Variants in PLXDC2 observed in about 807,000 individuals in gnomAD.
PLXDC2 encodes plexin domain containing 2.
In PLXDC2, 40 loss-of-function variants were observed where a neutral mutation model predicts 68.9. The observed-to-expected ratio is 0.58, with a 90% CI of 0.45 to 0.76. PLXDC2 has a LOEUF of 0.76. PLXDC2 is among the 30% of genes least tolerant of loss of function. PLXDC2 has a pLI of 0.00. For missense variants in PLXDC2, 644 were observed against 661.9 expected, an observed-to-expected ratio of 0.97 and a Z score of 0.30; for synonymous variants, 243 against 234.2, an observed-to-expected ratio of 1.04 and a Z score of -0.34.
At chr10:20,043,155 A>T (rs76910949) in intron 2 of PLXDC2, among the ~76,000 whole-genome samples, 2,696 of 152,262 alleles carry the variant, frequency 0.018, 76 homozygotes, top group African/African-American at 0.061. Context: ...TTTTCTGAAT[A>T]TCTGAACCAA....
intron 12 of PLXDC2, among the ~76,000 whole-genome samples, chr10:20,219,467 T>G (rs898679823): frequency 6.6e-6 from 1 of 152,196 alleles, no homozygotes; most frequent in East Asian, 1.9e-4. Flanking sequence ...GGTCAGCACC[T>G]TCTATGCATA....
intron 2 of PLXDC2, among the ~76,000 whole-genome samples, chr10:20,020,151 A>G (rs1297144940): frequency 6.7e-6 from 1 of 148,472 alleles, no homozygotes; most frequent in Non-Finnish European, 1.5e-5. Flanking sequence ...AGGTGGGGCT[A>G]CAAACACATG....
chr10:19,876,179 A>G (rs1283281349), intron 1 of PLXDC2, among the ~76,000 whole-genome samples: 4 of 152,142 alleles, frequency 2.6e-5, no homozygotes, highest in African/African-American at 9.7e-5. Flanking sequence ...ATAGGTCAGG[A>G]GGAAGGATTT....
In PLXDC2 at chr10:20,124,715, G is replaced by C. The variant is rs1833747195; in HGVS notation, c.542-18580G>C. 2.6e-5 allele frequency among the ~76,000 whole-genome samples: 4 copies of C among 151,914 alleles called. No homozygotes were observed. The South Asian group carries it at 8.3e-4, about 32-fold the overall frequency. ...AAAGGGGGTTGTTCTCTGGCGGGCA[G>C]GAGTGGGGGTCACAAGGTACTCAGT... On this transcript the variant is annotated intron_variant, in intron 4 of 13. Coordinates refer to ENST00000377252, the MANE Select transcript of PLXDC2 (RefSeq NM_032812.9).
Position 20,001,908 on chromosome 10 carries a change from C to A in PLXDC2, c.246C>A (p.Val82=). 1 of 1,613,576 alleles carries A rather than the reference C, an allele frequency of 6.2e-7. No homozygotes were observed. The highest frequency in any genetic ancestry group is 8.5e-7 in the Non-Finnish European group (1 of 1,179,968). The change falls in exon 2 of 14, where the codon GTC becomes GTA. Residue 82 remains valine (V), a synonymous_variant. Coordinates refer to ENST00000377252, the MANE Select transcript of PLXDC2 (RefSeq NM_032812.9). ...LKAVDTNRAS[V]GQDSPEPRSF... ...CGGTAGACACGAACCGAGCAAGCGT[C>A]GGCCAAGACTCTCCTGAGCCCAGAA...
At chr10:19,844,427 T>C (rs1034671040) in intron 1 of PLXDC2, among the ~76,000 whole-genome samples, 1 of 152,090 alleles carries the variant, frequency 6.6e-6, no homozygotes, top group African/African-American at 2.4e-5. Context: ...TGTAGTGACT[T>C]AGTCAAAAGT....
At chr10:20,050,944 T>C (rs961030739) in intron 3 of PLXDC2, among the ~76,000 whole-genome samples, 1 of 152,084 alleles carries the variant, frequency 6.6e-6, no homozygotes, top group Non-Finnish European at 1.5e-5. Flanking sequence ...TGAATGTTTA[T>C]TGCAGCACTA....
At chr10:19,896,891 A>G (rs1838066920) in intron 1 of PLXDC2, among the ~76,000 whole-genome samples, 1 of 152,048 alleles carries the variant, frequency 6.6e-6, no homozygotes, top group Non-Finnish European at 1.5e-5. Flanking sequence ...CAAATCCCAA[A>G]ATGTATCCAT....
chr10:19,845,525 G>A (rs547612302), intron 1 of PLXDC2, among the ~76,000 whole-genome samples: 5 of 152,220 alleles, frequency 3.3e-5, no homozygotes, highest in African/African-American at 1.2e-4. Flanking sequence ...AGTGATGCAG[G>A]GCAGGTGACC....
At chr10:20,236,546 T>C (rs1835434904) in intron 12 of PLXDC2, among the ~76,000 whole-genome samples, 1 of 152,188 alleles carries the variant, frequency 6.6e-6, no homozygotes, top group Non-Finnish European at 1.5e-5. Context: ...AAAAGTTAGA[T>C]GTCATAAAGA....
intron 4 of PLXDC2, among the ~76,000 whole-genome samples, chr10:20,141,116 T>C (rs984195388): frequency 2.0e-5 from 3 of 152,132 alleles, no homozygotes; most frequent in Non-Finnish European, 4.4e-5. Flanking sequence ...GGAAACAATT[T>C]GAAATTTCAC....
intron 1 of PLXDC2, among the ~76,000 whole-genome samples, chr10:19,987,169 A>G (rs879369132): frequency 2.0e-5 from 3 of 152,182 alleles, no homozygotes; most frequent in Non-Finnish European, 4.4e-5. Flanking sequence ...GAGCCTAGAG[A>G]GATGACCCCT....
intron 10 of PLXDC2, among the ~76,000 whole-genome samples, chr10:20,215,213 G>A (rs1224813453): frequency 1.3e-5 from 2 of 151,700 alleles, no homozygotes; most frequent in Non-Finnish European, 2.9e-5. Flanking sequence ...AGACAGGGGA[G>A]TGGACATCTG....
chr10:20,154,450 G>A (rs995334950), intron 6 of PLXDC2, among the ~76,000 whole-genome samples: 4 of 151,778 alleles, frequency 2.6e-5, no homozygotes, highest in Admixed American at 2.6e-4. Context: ...TGTAATCCTA[G>A]CTACTGAGGA....
intron 2 of PLXDC2, among the ~76,000 whole-genome samples, chr10:20,039,878 G>T (rs1460964449): frequency 6.6e-6 from 1 of 152,168 alleles, no homozygotes; most frequent in African/African-American, 2.4e-5. Flanking sequence ...AGAAATAGGT[G>T]AGTAGAAATA....
At chr10:19,969,992 G>T (rs1834324356) in intron 1 of PLXDC2, among the ~76,000 whole-genome samples, 1 of 152,174 alleles carries the variant, frequency 6.6e-6, no homozygotes, top group Admixed American at 6.5e-5. Flanking sequence ...CACATAAAGT[G>T]GCTACATTTT....
chr10:19,993,664 C>T (rs1834790814), intron 1 of PLXDC2, among the ~76,000 whole-genome samples: 1 of 152,216 alleles, frequency 6.6e-6, no homozygotes, highest in South Asian at 2.1e-4. Context: ...AGGTGATCCA[C>T]ACACCTTGGC....
chr10:20,249,346 G>A (rs1483410278), intron 13 of PLXDC2, among the ~76,000 whole-genome samples: 3 of 152,106 alleles, frequency 2.0e-5, no homozygotes, highest in Admixed American at 6.6e-5. Context: ...GTAACAAATT[G>A]CCACAAACCT....
At chr10:19,988,393 T>C (rs961344139) in intron 1 of PLXDC2, among the ~76,000 whole-genome samples, 1 of 152,168 alleles carries the variant, frequency 6.6e-6, no homozygotes, top group Non-Finnish European at 1.5e-5. Context: ...AAATTATATC[T>C]TACCTTCACT....
Sources: allele counts gnomAD v4.1 joint callset (sites outside exome capture counted in the v4.1 genomes callset), GRCh38; gene constraint gnomAD v4.1.1; transcripts MANE v1.5; gene names NCBI Gene and HGNC (gene_info 2026-07-23, HGNC 2026-07-21).